The following IL5RA variants were observed in gnomAD, a reference collection of about 807,000 sequenced individuals.
The protein encoded by IL5RA is interleukin 5 receptor subunit alpha, also known as interleukin-5 receptor subunit alpha.
A neutral mutation model predicts 50.0 loss-of-function variants in IL5RA; 49 were observed. The observed-to-expected ratio is 0.98, with a 90% CI of 0.78 to 1.24. The LOEUF (loss-of-function observed/expected upper bound fraction) is 1.24. Ranked by LOEUF, IL5RA falls within the 50% of genes most tolerant of loss-of-function variation. The pLI, the probability that IL5RA is intolerant of heterozygous loss-of-function variation, is 0.00. For synonymous variants in IL5RA, 202 were observed against 174.0 expected, an observed-to-expected ratio of 1.16 and a Z score of -1.26; for missense variants, 600 against 500.4, an observed-to-expected ratio of 1.20 and a Z score of -1.90.
intron 9 of IL5RA, among the ~76,000 whole-genome samples, chr3:3,079,515 G>C (rs1662428907): frequency 6.6e-6 from 1 of 152,118 alleles, no homozygotes; most frequent in Non-Finnish European, 1.5e-5. Context: ...GGCAGGCTTT[G>C]TCCAGTGCTT....
At chr3:3,100,995 TAATAATAATAATAATAA>T (rs1259591156) in intron 5 of IL5RA, among the ~76,000 whole-genome samples, 1 of 108,626 alleles carries the variant, frequency 9.2e-6, no homozygotes, top group African/African-American at 2.8e-5. Context: ...ATAATAATAA[TAATAATAATAATAATAA>T]TAATAATAAT....
At chr3:3,086,902 A>AT (rs1429853459) in intron 9 of IL5RA, among the ~76,000 whole-genome samples, 2 of 152,214 alleles carry the variant, frequency 1.3e-5, no homozygotes, top group Non-Finnish European at 2.9e-5. Context: ...GAATGCAATA[A>AT]TGTCTTTTGC....
At chr3:3,098,359 A>G (rs946217277) in intron 5 of IL5RA, 69 bp from the exon 6 acceptor site, 4 of 1,389,720 alleles carry the variant, frequency 2.9e-6, no homozygotes, top group Non-Finnish European at 4.1e-6. Flanking sequence ...CTTCTTTTGG[A>G]ACTATAGTGA....
At chr3:3,099,030 C>A (rs1703502574) in intron 5 of IL5RA, among the ~76,000 whole-genome samples, 1 of 152,254 alleles carries the variant, frequency 6.6e-6, no homozygotes, top group African/African-American at 2.4e-5. Context: ...CTTGCGTATC[C>A]CTTTCCATCC....
Position 3,075,887 on chromosome 3 carries a change from C to G in IL5RA, c.1091+644G>C, listed in dbSNP as rs370869283. Among the ~76,000 whole-genome samples the G allele has an allele frequency of 4.5e-4, 68 of 152,052 alleles. No homozygotes were observed. The East Asian group carries it at 0.013, about 29-fold the overall frequency. ...AGTGCTGGGATTACAGGAGTGAGCC[C>G]CCACACCCGGACCTTATAAAACTCA... On this transcript the variant is annotated intron_variant, in intron 10 of 11. Coordinates refer to ENST00000446632, the MANE Select transcript of IL5RA (RefSeq NM_175726.4).
At chr3:3,096,445 A>G (rs183158604) in intron 7 of IL5RA, among the ~76,000 whole-genome samples, 90 of 152,260 alleles carry the variant, frequency 5.9e-4, no homozygotes, top group African/African-American at 2.0e-3. Flanking sequence ...AGGTAATATG[A>G]CTTAGATCTC....
chr3:3,075,394 G>A (rs1237844378), intron 10 of IL5RA, among the ~76,000 whole-genome samples: 3 of 151,228 alleles, frequency 2.0e-5, no homozygotes, highest in Non-Finnish European at 3.0e-5. Flanking sequence ...GTAGAGACAG[G>A]GTTTCACCAT....
In IL5RA at chr3:3,067,925, A is replaced by C. The variant is rs1007494518; in HGVS notation, c.*2300T>G. 3 of 152,222 alleles carry C rather than the reference A, an allele frequency of 2.0e-5. No individual in the cohort carries two copies. Among genetic ancestry groups the C allele is most frequent in the African/African-American group, 7.2e-5 (3 of 41,450 alleles). The allele number at this position is 152,222 out of a possible 1,614,324, so 9.4% of individuals were successfully genotyped here. On this transcript the variant is annotated 3_prime_UTR_variant, in exon 12 of 12. Coordinates refer to ENST00000446632, the MANE Select transcript of IL5RA (RefSeq NM_175726.4). ...GCTTCTGTTCCTGCCTCCTAAGCAG[A>C]GGCAGTTTCCACAATGCCAACTGTC...
At chr3:3,090,205 G>C in intron 9 of IL5RA, 2 of 1,611,152 alleles carry the variant, frequency 1.2e-6, no homozygotes, top group South Asian at 2.2e-5. Flanking sequence ...TTTTATTTCA[G>C]ATACGGTGTG....
At chr3:3,103,464 G>T (rs1047368509) in intron 3 of IL5RA, among the ~76,000 whole-genome samples, 2 of 152,120 alleles carry the variant, frequency 1.3e-5, no homozygotes, top group Non-Finnish European at 2.9e-5. Flanking sequence ...CATGAATCTC[G>T]TTTCCACTAC....
intron 5 of IL5RA, among the ~76,000 whole-genome samples, chr3:3,099,399 C>T (rs1159726874): frequency 3.3e-5 from 5 of 151,734 alleles, no homozygotes; most frequent in Admixed American, 2.0e-4. Flanking sequence ...GAGGCTGAGG[C>T]GGGCAGATTG....
At chr3:3,099,965 C>A (rs34081989) in intron 5 of IL5RA, among the ~76,000 whole-genome samples, 6,573 of 152,232 alleles carry the variant, frequency 0.043, 255 homozygotes, top group Admixed American at 0.11. Flanking sequence ...CGACCGCACC[C>A]GGCCAAGATT....
chr3:3,071,047 A>G (rs1295456873), intron 11 of IL5RA, among the ~76,000 whole-genome samples: 1 of 152,212 alleles, frequency 6.6e-6, no homozygotes. Context: ...CATTTTGGCT[A>G]TAATGAATAG....
At position 3,098,120 on chromosome 3, in the gene IL5RA, A is replaced by G. The variant is rs763896663; in HGVS notation, c.521+17T>C. Reference sequence around the variant, plus strand: ...GAAACAACCATTTGCCTAAGTAAAAATAGGTACAGTACTAACCTATAGTAG... The same window carrying G: ...GAAACAACCATTTGCCTAAGTAAAAGTAGGTACAGTACTAACCTATAGTAG... On this transcript the variant is annotated intron_variant, in intron 6 of 11. Coordinates refer to ENST00000446632, the MANE Select transcript of IL5RA (RefSeq NM_175726.4). 11 of 1,613,988 alleles carry G rather than the reference A, an allele frequency of 6.8e-6. No individual in the cohort carries two copies. Among genetic ancestry groups the G allele is most frequent in the African/African-American group, 2.7e-5 (2 of 74,932 alleles).
At chr3:3,076,180 T>C (rs1702475937) in intron 10 of IL5RA, among the ~76,000 whole-genome samples, 2 of 152,116 alleles carry the variant, frequency 1.3e-5, no homozygotes, top group South Asian at 4.1e-4. Context: ...GAAAAGCCTA[T>C]ACTGGCAGCT....
chr3:3,097,221 A>AT (rs1432885680), intron 7 of IL5RA, among the ~76,000 whole-genome samples: 1 of 152,224 alleles, frequency 6.6e-6, no homozygotes, highest in Non-Finnish European at 1.5e-5. Context: ...AGAGCTGAGA[A>AT]TTGCACACTG....
At chr3:3,101,862 A>G (rs757909040) in intron 4 of IL5RA, 32 bp from the exon 5 acceptor site, 37 of 1,596,172 alleles carry the variant, frequency 2.3e-5, no homozygotes, top group Non-Finnish European at 2.9e-5. Context: ...CATGATACAT[A>G]AAAGAGAACT....
At chr3:3,071,344 C>G (rs1702290111) in intron 11 of IL5RA, among the ~76,000 whole-genome samples, 1 of 152,132 alleles carries the variant, frequency 6.6e-6, no homozygotes. Flanking sequence ...AAAGCTCAGG[C>G]CAGGTGGCGT....
intron 9 of IL5RA, among the ~76,000 whole-genome samples, chr3:3,090,879 G>A (rs1023779934): frequency 1.3e-5 from 2 of 152,044 alleles, no homozygotes; most frequent in Admixed American, 1.3e-4. Flanking sequence ...GGCCAACACA[G>A]GGTATGAATT....
Sources: allele counts gnomAD v4.1 joint callset (sites outside exome capture counted in the v4.1 genomes callset), GRCh38; gene constraint gnomAD v4.1.1; transcripts MANE v1.5; gene names NCBI Gene and HGNC (gene_info 2026-07-23, HGNC 2026-07-21).